The following C3orf49 variants were observed in gnomAD, a reference collection of about 807,000 sequenced individuals.
C3orf49 encodes putative uncharacterized protein C3orf49.
In C3orf49, 27 loss-of-function variants were observed where a neutral mutation model predicts 13.3. The ratio of observed to expected loss-of-function variants is 2.02; its 90% CI spans 1.49 to 2.79. The LOEUF is 2.79. Ranked by LOEUF, C3orf49 falls within the 30% of genes most tolerant of loss-of-function variation. The pLI is 0.00. For synonymous variants in C3orf49, 87 were observed against 47.6 expected (o/e 1.83, Z -3.40); for missense variants, 242 against 134.2 (o/e 1.80, Z -3.97).
At chr3:63,814,630 C>T (rs985570432), upstream of C3orf49, among the ~76,000 whole-genome samples, 8 of 152,056 alleles carry the variant, frequency 5.3e-5, no homozygotes, top group Middle Eastern at 3.4e-3. Context: ...TACAAATGTC[C>T]GGGGAATGAT....
upstream of C3orf49, among the ~76,000 whole-genome samples, chr3:63,814,596 T>C (rs1360361536): frequency 6.6e-6 from 1 of 152,086 alleles, no homozygotes; most frequent in Non-Finnish European, 1.5e-5. Context: ...TACAGCTGGC[T>C]TTTTGGCTTT....
At chr3:63,786,362 T>C in the C3orf49 span, among the ~76,000 whole-genome samples, 1 of 152,222 alleles carries the variant, frequency 6.6e-6, no homozygotes, top group African/African-American at 2.4e-5. Flanking sequence ...AAAATGAATT[T>C]TCCTGTTCTC....
the C3orf49 span, among the ~76,000 whole-genome samples, chr3:63,796,162 G>T: frequency 6.6e-6 from 1 of 151,888 alleles, no homozygotes. Flanking sequence ...ATGAAATGTT[G>T]GGAAAAATAT....
chr3:63,780,044 G>A, the C3orf49 span: 1 of 152,106 alleles, frequency 6.6e-6, no homozygotes, highest in Non-Finnish European at 1.5e-5. Context: ...CAATGTGCAG[G>A]TTAGTTACAT....
chr3:63,812,933 A>G, the C3orf49 span, among the ~76,000 whole-genome samples: 28 of 152,308 alleles, frequency 1.8e-4, 1 homozygote, highest in East Asian at 5.4e-3. Flanking sequence ...AATCAGTTAA[A>G]TCTTTGTTAT....
chr3:63,811,466 G>A, the C3orf49 span, among the ~76,000 whole-genome samples: 3 of 152,028 alleles, frequency 2.0e-5, no homozygotes, highest in East Asian at 3.9e-4. Context: ...GCTGAGGAAG[G>A]AGAATGGTGT....
chr3:63,798,662 T>C, the C3orf49 span, among the ~76,000 whole-genome samples: 2 of 152,122 alleles, frequency 1.3e-5, no homozygotes, highest in Non-Finnish European at 2.9e-5. Context: ...CAAATGAATA[T>C]TGTAACCCAG....
At chr3:63,839,192 A>C (rs181783019) in intron 5 of C3orf49, among the ~76,000 whole-genome samples, 21 of 151,620 alleles carry the variant, frequency 1.4e-4, no homozygotes, top group South Asian at 4.2e-4. Flanking sequence ...TCTGTCTCAC[A>C]AAAAAAAAGA....
chr3:63,843,935 A>G (rs1018125864), intron 5 of C3orf49, among the ~76,000 whole-genome samples: 22 of 152,078 alleles, frequency 1.4e-4, no homozygotes, highest in African/African-American at 3.9e-4. Context: ...ATGTGTGTGT[A>G]TATATATATG....
At chr3:63,812,748 C>G in the C3orf49 span, among the ~76,000 whole-genome samples, 1 of 152,196 alleles carries the variant, frequency 6.6e-6, no homozygotes, top group Admixed American at 6.5e-5. Context: ...ATTATGCATT[C>G]AAAATTTTTG....
At chr3:63,788,877 G>A in the C3orf49 span, among the ~76,000 whole-genome samples, 2 of 152,050 alleles carry the variant, frequency 1.3e-5, no homozygotes, top group East Asian at 1.9e-4. Context: ...TGTCTAGTTC[G>A]GTTGATCGAC....
chr3:63,816,935 G>A (rs1349980058), upstream of C3orf49, among the ~76,000 whole-genome samples: 1 of 151,638 alleles, frequency 6.6e-6, no homozygotes, highest in Admixed American at 6.6e-5. Flanking sequence ...ACCACGCCCG[G>A]CTAATTTTTT....
At chr3:63,841,604 T>A (rs561408261) in intron 5 of C3orf49, among the ~76,000 whole-genome samples, 1 of 152,290 alleles carries the variant, frequency 6.6e-6, no homozygotes. Flanking sequence ...ATTTTTAGAA[T>A]TGGGTTTGGT....
intron 2 of C3orf49, 122 bp downstream of exon 2, chr3:63,823,691 A>C (rs1398963717): frequency 8.3e-6 from 5 of 605,618 alleles, no homozygotes; most frequent in Non-Finnish European, 1.2e-5. Flanking sequence ...GCAGAATCTC[A>C]GGCCCTACCT....
chr3:63,835,774 G>A (rs899049460), intron 5 of C3orf49, among the ~76,000 whole-genome samples: 2 of 151,900 alleles, frequency 1.3e-5, no homozygotes, highest in African/African-American at 4.8e-5. Context: ...TCTATCCTGG[G>A]CCTTTTTATC....
At chr3:63,822,156 T>C (rs1410315754) in intron 1 of C3orf49, among the ~76,000 whole-genome samples, 1 of 152,126 alleles carries the variant, frequency 6.6e-6, no homozygotes, top group African/African-American at 2.4e-5. Flanking sequence ...TTTGTGTTTT[T>C]AGTAGAGACA....
At chr3:63,787,550 A>G in the C3orf49 span, among the ~76,000 whole-genome samples, 1 of 152,138 alleles carries the variant, frequency 6.6e-6, no homozygotes, top group Non-Finnish European at 1.5e-5. Context: ...TTTAAAAAAA[A>G]ATTTGATGAC....
rs1701532753 is a variant in C3orf49, at chr3:63,831,667, T to G, written c.685-13T>G. 1.4e-6 allele frequency: 1 copy of G among 699,386 alleles called. No homozygotes were observed. Among genetic ancestry groups the G allele is most frequent in the African/African-American group, 1.8e-5 (1 of 57,012 alleles). 43.3% of individuals were successfully genotyped at this position (699,386 alleles called of 1,614,324 possible). Reference sequence around the variant, plus strand: ...AACACATGGCTTCATTTCTTTGTATTTATCTGTCATAGGTGGATGACCTCA... The same window carrying G: ...AACACATGGCTTCATTTCTTTGTATGTATCTGTCATAGGTGGATGACCTCA... On this transcript the variant is annotated splice_polypyrimidine_tract_variant and intron_variant, in intron 4 of 6. Transcript: ENST00000295896.
At chr3:63,797,239 T>C in the C3orf49 span, among the ~76,000 whole-genome samples, 1 of 152,116 alleles carries the variant, frequency 6.6e-6, no homozygotes, top group Non-Finnish European at 1.5e-5. Context: ...CTCTTTGGTT[T>C]CTGAGGCTTG....
Sources: allele counts gnomAD v4.1 joint callset (sites outside exome capture counted in the v4.1 genomes callset), GRCh38; gene constraint gnomAD v4.1.1; transcripts MANE v1.5; gene names NCBI Gene and HGNC (gene_info 2026-07-23, HGNC 2026-07-21).